The following ANKRD36C variants were observed in gnomAD, a reference collection of about 807,000 sequenced individuals.
The protein encoded by ANKRD36C is ankyrin repeat domain-containing protein 36C.
ANKRD36C carries 61 observed loss-of-function variants against 276.4 expected under a neutral mutation model. The ratio of observed to expected loss-of-function variants is 0.22; its 90% CI spans 0.18 to 0.27. The LOEUF (loss-of-function observed/expected upper bound fraction) is 0.27. Among genes scored for constraint, ANKRD36C ranks in the 10% least tolerant of loss-of-function variants. The pLI is 1.00. For synonymous variants in ANKRD36C, 483 were observed against 680.1 expected (o/e 0.71, Z 4.51); for missense variants, 1,447 against 2,032.3 (o/e 0.71, Z 5.54).
At chr2:95,915,889 G>A in intron 38 of ANKRD36C, 91 bp downstream of exon 40, 2 of 1,452,398 alleles carry the variant, frequency 1.4e-6, no homozygotes. Context: ...ATCAGAATGT[G>A]CAGCTTCGAC....
chr2:95,976,490 G>T (rs1678812023), intron 6 of ANKRD36C, among the ~76,000 whole-genome samples: 2 of 152,110 alleles, frequency 1.3e-5, no homozygotes, highest in Admixed American at 1.3e-4. Context: ...ACTTATCAGG[G>T]GTTTCAGTAC....
chr2:95,866,699 T>C (rs1675688575), intron 60 of ANKRD36C, among the ~76,000 whole-genome samples: 1 of 152,070 alleles, frequency 6.6e-6, no homozygotes. Flanking sequence ...AGTACAAATA[T>C]TTTGGAAAAC....
chr2:95,925,401 A>C (rs771764711), exon 30 of ANKRD36C: 1 of 1,564,420 alleles, frequency 6.4e-7, no homozygotes, highest in East Asian at 2.4e-5. Flanking sequence ...TATTCAAAAG[A>C]GAAACTTTCT....
chr2:95,986,711 C>T (rs555171273), intron 3 of ANKRD36C, 40 bp downstream of exon 3: 3 of 1,544,188 alleles, frequency 1.9e-6, no homozygotes, highest in African/African-American at 2.8e-5. Flanking sequence ...AAAATAAATG[C>T]ATTTCAGATA....
chr2:95,929,005 A>G (rs1252044674), intron 26 of ANKRD36C, 67 bp downstream of exon 26: 62 of 1,591,636 alleles, frequency 3.9e-5, no homozygotes, highest in Non-Finnish European at 4.8e-5. Flanking sequence ...CCACTGATTT[A>G]TTTGGGGAAG....
chr2:95,923,657 T>C lies in ANKRD36C; in HGVS notation c.2070+4A>G, dbSNP rs1340016452. ...ATACAAAATATAAATGAGAGTTTAATTACCTTTGAGGGTGGTTGTTTCTGA... is the reference window on the plus strand; with the variant it reads ...ATACAAAATATAAATGAGAGTTTAACTACCTTTGAGGGTGGTTGTTTCTGA... On this transcript the variant is annotated splice_donor_region_variant and intron_variant, in intron 31 of 66. Transcript: ENST00000456556. The C allele has an allele frequency of 1.2e-6, 2 of 1,610,478 alleles. No homozygotes were observed. The highest frequency in any genetic ancestry group is 1.3e-5 in the African/African-American group (1 of 74,648).
At chr2:95,943,042 T>A (rs1200086105) in intron 19 of ANKRD36C, among the ~76,000 whole-genome samples, 1 of 152,310 alleles carries the variant, frequency 6.6e-6, no homozygotes, top group Non-Finnish European at 1.5e-5. Flanking sequence ...ATTCATCACA[T>A]GTATGTTCTT....
intron 14 of ANKRD36C, among the ~76,000 whole-genome samples, chr2:95,952,691 TTC>T (rs1446405932): frequency 1.8e-3 from 236 of 134,226 alleles, no homozygotes; most frequent in African/African-American, 2.9e-3. Context: ...AACTTATACA[TTC>T]TCAACATTAG....
chr2:95,951,290 A>G, intron 15 of ANKRD36C, 58 bp downstream of exon 15: 2 of 1,383,080 alleles, frequency 1.4e-6, no homozygotes, highest in Non-Finnish European at 2.0e-6. Context: ...AGAAAAAAAA[A>G]AAAAAAACAA....
At chr2:95,860,891 A>G (rs1675560041) in intron 60 of ANKRD36C, among the ~76,000 whole-genome samples, 1 of 152,192 alleles carries the variant, frequency 6.6e-6, no homozygotes, top group Admixed American at 6.5e-5. Flanking sequence ...TATTTAGTGG[A>G]GTAATGAAAA....
chr2:95,893,333 G>T (rs889659214), intron 44 of ANKRD36C, among the ~76,000 whole-genome samples, 200 bp downstream of exon 64: 4 of 150,868 alleles, frequency 2.7e-5, no homozygotes, highest in African/African-American at 9.7e-5. Context: ...TCAATGTGGG[G>T]AACTGTATAA....
intron 6 of ANKRD36C, among the ~76,000 whole-genome samples, chr2:95,975,458 A>C (rs765767702): frequency 8.5e-5 from 13 of 152,314 alleles, no homozygotes; most frequent in Non-Finnish European, 1.5e-4. Context: ...GAACAGAGCC[A>C]TCAGAAATAA....
At chr2:95,957,964 C>T (rs1678370032) in intron 12 of ANKRD36C, among the ~76,000 whole-genome samples, 1 of 152,170 alleles carries the variant, frequency 6.6e-6, no homozygotes, top group African/African-American at 2.4e-5. Flanking sequence ...CATCACAATT[C>T]TAGCACTCTA....
intron 60 of ANKRD36C, among the ~76,000 whole-genome samples, chr2:95,864,664 C>T (rs1211909260): frequency 6.6e-6 from 1 of 152,016 alleles, no homozygotes; most frequent in Admixed American, 6.6e-5. Context: ...TAAACCCCAA[C>T]CTGTGGGCCA....
chr2:95,974,881 C>G (rs1186247092), intron 6 of ANKRD36C, among the ~76,000 whole-genome samples: 1 of 146,938 alleles, frequency 6.8e-6, no homozygotes, highest in Non-Finnish European at 1.5e-5. Flanking sequence ...TCAATTCCCA[C>G]CTATGAGTGA....
At position 95,979,623 on chromosome 2, in the gene ANKRD36C, T is replaced by C. The variant is rs574071585; in HGVS notation, c.731+1025A>G. Among the ~76,000 whole-genome samples, 31 of 152,124 alleles carry C rather than the reference T, an allele frequency of 2.0e-4. No individual in the cohort carries two copies. In the South Asian group the frequency reaches 6.4e-3, roughly 32 times the overall value. Reference sequence around the variant, plus strand: ...GGAAGGATGGCATGGAAGCTTCCACTACCTGAGAAAAGCTTTTACACTGTT... The same window carrying C: ...GGAAGGATGGCATGGAAGCTTCCACCACCTGAGAAAAGCTTTTACACTGTT... On this transcript the variant is annotated intron_variant, in intron 5 of 66. Transcript: ENST00000456556.
At chr2:95,865,759 G>A (rs1427255189) in intron 60 of ANKRD36C, among the ~76,000 whole-genome samples, 1 of 152,006 alleles carries the variant, frequency 6.6e-6, no homozygotes, top group South Asian at 2.1e-4. Flanking sequence ...AAAAGTCTGG[G>A]GTTTTAGAGC....
intron 40 of ANKRD36C, among the ~76,000 whole-genome samples, chr2:95,913,767 G>T (rs1677005500): frequency 6.6e-6 from 1 of 151,406 alleles, no homozygotes; most frequent in African/African-American, 2.4e-5. Context: ...TCTGAAGTGT[G>T]TAAATTCTAT....
At position 95,914,102 on chromosome 2, in the gene ANKRD36C, A is replaced by G. The variant is rs1474300864; in HGVS notation, c.2551+6T>C. Reference sequence around the variant, plus strand: ...ATCATGACATTAAATCTCTTTTCAAAATTACCTCTCCTAGTTTTTTCTCCA... The same window carrying G: ...ATCATGACATTAAATCTCTTTTCAAGATTACCTCTCCTAGTTTTTTCTCCA... On this transcript the variant is annotated splice_donor_region_variant and intron_variant, in intron 40 of 66. Transcript: ENST00000456556. 1 of 1,560,236 alleles carries G rather than the reference A, an allele frequency of 6.4e-7. No individual in the cohort carries two copies.
Sources: gnomAD v4.1 joint callset for allele counts (sites outside exome capture counted in the v4.1 genomes callset) on GRCh38, gnomAD v4.1.1 for gene constraint, MANE v1.5 for transcripts, NCBI Gene and HGNC (gene_info 2026-07-23, HGNC 2026-07-21) for gene names.